Variants in DBI observed in about 807,000 individuals in gnomAD.
DBI encodes acyl-CoA-binding protein.
A neutral mutation model predicts 13.0 loss-of-function variants in DBI; 12 were observed. The observed-to-expected ratio is 0.92, with a 90% CI of 0.59 to 1.49. The LOEUF (loss-of-function observed/expected upper bound fraction) is 1.49. Ranked by LOEUF, DBI falls within the 40% of genes most tolerant of loss-of-function variation. DBI has a pLI of 0.00. For missense variants in DBI, 95 were observed against 104.8 expected, an observed-to-expected ratio of 0.91 and a Z score of 0.41; for synonymous variants, 37 against 37.4, an observed-to-expected ratio of 0.99 and a Z score of 0.04.
chr2:119,372,101 T>C (rs548855303), intron 3 of DBI, 144 bp from the exon 4 acceptor site: 3 of 634,784 alleles, frequency 4.7e-6, no homozygotes, highest in South Asian at 3.5e-5. Context: ...GTGGATACTG[T>C]CTCCTGTAAT....
intron 1 of DBI, chr2:119,367,662 G>T (rs375116992): frequency 3.1e-6 from 5 of 1,613,718 alleles, no homozygotes; most frequent in Non-Finnish European, 4.2e-6. Context: ...TTGAACGCGC[G>T]GGCCCCAGGG....
chr2:119,369,602 G>A (rs1009537932), intron 2 of DBI, among the ~76,000 whole-genome samples: 8 of 152,080 alleles, frequency 5.3e-5, no homozygotes, highest in Non-Finnish European at 8.8e-5. Flanking sequence ...CCTGGCTAAC[G>A]TAGTGAAACC....
In DBI at chr2:119,368,316, C is replaced by T. The variant is rs1193505184; in HGVS notation, c.127+11C>T. On this transcript the variant is annotated intron_variant, in intron 2 of 3. Transcript: ENST00000355857. ...GCGACATAAATACAGGTATGCAGAG[C>T]GGGGGTTGGAAGGGCATCTGCTCAT... The T allele has an allele frequency of 3.7e-6, 6 of 1,600,204 alleles. No individual in the cohort carries two copies. In the East Asian group the frequency reaches 6.7e-5, roughly 18 times the overall value.
intron 3 of DBI, 70 bp from the exon 4 acceptor site, chr2:119,372,175 G>A: frequency 1.8e-6 from 2 of 1,123,690 alleles, no homozygotes; most frequent in Non-Finnish European, 2.7e-6. Flanking sequence ...AGAGCTGCCT[G>A]GGGCTCTGGA....
chr2:119,367,286 G>A (rs1312394364), intron 1 of DBI: 2 of 1,437,122 alleles, frequency 1.4e-6, no homozygotes, highest in East Asian at 2.5e-5. Context: ...AGTTGCCCAT[G>A]GGGTGGACTT....
In DBI at chr2:119,372,335, A is replaced by T; in HGVS notation, c.*17A>T. 6.3e-7 allele frequency: 1 copy of T among 1,587,460 alleles called. No homozygotes were observed. Among genetic ancestry groups the T allele is most frequent in the Non-Finnish European group, 8.7e-7 (1 of 1,155,860 alleles). ...GGGATATGAGAGACTGGATTTGGTT[A>T]CTGTGCCATGTGTTTATCCTAAACT... On this transcript the variant is annotated 3_prime_UTR_variant, in exon 4 of 4. Coordinates refer to ENST00000355857, the MANE Select transcript of DBI (RefSeq NM_001079862.4).
At chr2:119,367,569 T>G in intron 1 of DBI, 4 of 1,613,994 alleles carry the variant, frequency 2.5e-6, no homozygotes, top group Non-Finnish European at 3.4e-6. Flanking sequence ...TGTAGACCCT[T>G]GTCTGAGACC....
intron 1 of DBI, 117 bp from the exon 2 acceptor site, chr2:119,368,071 G>A (rs1681200603): frequency 6.6e-7 from 1 of 1,504,552 alleles, no homozygotes; most frequent in Non-Finnish European, 9.2e-7. Flanking sequence ...TGCCCGAAGG[G>A]TGCCACCTTT....
Position 119,368,422 on chromosome 2 carries a change from G to A in DBI, c.127+117G>A, listed in dbSNP as rs565170727. On this transcript the variant is annotated intron_variant, in intron 2 of 3. Coordinates refer to ENST00000355857, the MANE Select transcript of DBI (RefSeq NM_001079862.4). Reference sequence around the variant, plus strand: ...GCCTGAGGCCCTACTCTTCAGGTGGGGTATGGTGATGGTTCCTGAGGTGGA... The same window carrying A: ...GCCTGAGGCCCTACTCTTCAGGTGGAGTATGGTGATGGTTCCTGAGGTGGA... 1.5e-5 allele frequency: 11 copies of A among 755,330 alleles called. No homozygotes were observed. In the East Asian group the frequency reaches 2.7e-4, roughly 19 times the overall value. The allele number at this position is 755,330 out of a possible 1,614,324, so 46.8% of individuals were successfully genotyped here.
chr2:119,370,517 T>G, intron 2 of DBI: 3 of 372,944 alleles, frequency 8.0e-6, no homozygotes, highest in Non-Finnish European at 1.4e-5. Context: ...AAGGCTATCT[T>G]GTAATAAGAA....
chr2:119,370,726 T>G lies in DBI; in HGVS notation c.128-14T>G. The G allele has an allele frequency of 6.2e-7, 1 of 1,613,034 alleles. No individual in the cohort carries two copies. The highest frequency in any genetic ancestry group is 8.5e-7 in the Non-Finnish European group (1 of 1,179,472). On this transcript the variant is annotated splice_polypyrimidine_tract_variant and intron_variant, in intron 2 of 3. Transcript: ENST00000355857. ...TTTGAACCAGATCTAATGCCTTTTC[T>G]TCCCTTGTTTAAGAACGGCCCGGGA...
At chr2:119,368,040 G>A in intron 1 of DBI, 148 bp from the exon 2 acceptor site, 1 of 1,558,542 alleles carries the variant, frequency 6.4e-7, no homozygotes, top group East Asian at 2.2e-5. Flanking sequence ...GGGAGGGGCA[G>A]ACACACTTCA....
chr2:119,368,153 G>A (rs370158810), intron 1 of DBI, 35 bp from the exon 2 acceptor site: 4 of 1,579,722 alleles, frequency 2.5e-6, no homozygotes, highest in Non-Finnish European at 3.5e-6. Flanking sequence ...CCACCCAGAG[G>A]AGGCCCTCAA....
Position 119,367,821 on chromosome 2 carries a change from G to A in DBI, c.10-367G>A. On this transcript the variant is annotated intron_variant, in intron 1 of 3. Coordinates refer to ENST00000355857, the MANE Select transcript of DBI (RefSeq NM_001079862.4). ...CCACTCCCTAGTGCCTGGCCCGGTG[G>A]TGGCCAGGCAGTTGGCCGCGCTGCT... 12 of 1,612,814 alleles carry A rather than the reference G, an allele frequency of 7.4e-6. No homozygotes were observed. In the South Asian group the frequency reaches 1.2e-4, roughly 16 times the overall value.
chr2:119,371,147 A>G (rs924991534), intron 3 of DBI, among the ~76,000 whole-genome samples: 1 of 152,150 alleles, frequency 6.6e-6, no homozygotes, highest in African/African-American at 2.4e-5. Context: ...CTCCCCTACA[A>G]GGCCAGGCGG....
chr2:119,367,511 A>T (rs1558804807), intron 1 of DBI: 1 of 1,601,692 alleles, frequency 6.2e-7, no homozygotes, highest in Non-Finnish European at 8.5e-7. Context: ...GACGAGGAGA[A>T]TCGCGGCCCG....
intron 1 of DBI, 63 bp downstream of exon 1, chr2:119,367,123 G>A (rs1411984595): frequency 1.9e-6 from 3 of 1,606,588 alleles, no homozygotes; most frequent in Non-Finnish European, 2.5e-6. Context: ...TGGGGGCTCA[G>A]CCGGCTGCCA....
Position 119,368,559 on chromosome 2 carries a change from C to T in DBI, c.127+254C>T, listed in dbSNP as rs1476760150. 7.1e-6 allele frequency: 3 copies of T among 421,990 alleles called. No homozygotes were observed. The East Asian group carries it at 1.3e-4, about 18-fold the overall frequency. The allele number at this position is 421,990 out of a possible 1,614,324, so 26.1% of individuals were successfully genotyped here. A position where few individuals can be genotyped will look rare whatever the true frequency, so the allele number is the denominator to read the frequency against. ...CAGCTACTCTCTACTAGGGAAGAAG[C>T]AAAGGCTGCAGCTTGGAAAAGACTT... is the stretch of plus-strand genomic sequence containing the variant. On this transcript the variant is annotated intron_variant, in intron 2 of 3. Transcript: ENST00000355857.
At chr2:119,372,078 C>A (rs964385945) in intron 3 of DBI, among the ~76,000 whole-genome samples, 167 bp from the exon 4 acceptor site, 3 of 152,194 alleles carry the variant, frequency 2.0e-5, no homozygotes, top group Non-Finnish European at 4.4e-5. Context: ...GCATTCACTT[C>A]GGGCCAGGTT....
Sources: allele counts gnomAD v4.1 joint callset (sites outside exome capture counted in the v4.1 genomes callset), GRCh38; gene constraint gnomAD v4.1.1; transcripts MANE v1.5; gene names NCBI Gene and HGNC (gene_info 2026-07-23, HGNC 2026-07-21).